Variants in FUT8 observed in about 807,000 individuals in gnomAD.
FUT8 encodes the protein fucosyltransferase 8.
FUT8 carries 29 observed loss-of-function variants against 71.3 expected under a neutral mutation model. That is an observed-to-expected ratio of 0.41 (90% confidence interval 0.30 to 0.55). The LOEUF (loss-of-function observed/expected upper bound fraction) is 0.55. Among genes scored for constraint, FUT8 ranks in the 20% least tolerant of loss-of-function variants. The pLI is 0.34. For missense variants in FUT8, 544 were observed against 702.1 expected, an observed-to-expected ratio of 0.77 and a Z score of 2.55; for synonymous variants, 254 against 239.3, an observed-to-expected ratio of 1.06 and a Z score of -0.57.
At chr14:65,521,403 TTAAG>T (rs1566799190) in intron 2 of FUT8, among the ~76,000 whole-genome samples, 1 of 152,212 alleles carries the variant, frequency 6.6e-6, no homozygotes, top group Non-Finnish European at 1.5e-5. Flanking sequence ...ATACTTTTCT[TTAAG>T]TATATCAGAT....
At chr14:65,615,307 G>C (rs992455048) in intron 3 of FUT8, among the ~76,000 whole-genome samples, 1 of 152,058 alleles carries the variant, frequency 6.6e-6, no homozygotes, top group Non-Finnish European at 1.5e-5. Context: ...GGGGATTGCT[G>C]TGTTGCCCAG....
intron 1 of FUT8, among the ~76,000 whole-genome samples, chr14:65,430,026 G>GT (rs34753196): frequency 5.4e-4 from 78 of 145,232 alleles, no homozygotes; most frequent in Non-Finnish European, 3.2e-4. Context: ...TTTTGTTTTT[G>GT]TTTTTTTTTT....
intron 3 of FUT8, among the ~76,000 whole-genome samples, chr14:65,562,770 C>G (rs763918920): frequency 5.9e-5 from 9 of 151,954 alleles, no homozygotes. Context: ...GTGGAAACAT[C>G]CAATTGTACA....
chr14:65,596,734 TA>T (rs992725654), intron 3 of FUT8, among the ~76,000 whole-genome samples: 2 of 152,156 alleles, frequency 1.3e-5, no homozygotes, highest in African/African-American at 4.8e-5. Flanking sequence ...CTTTTTTTTT[TA>T]AATGAAATCA....
In FUT8 at chr14:65,657,452, A is replaced by G. The variant is rs181685311; in HGVS notation, c.598-11791A>G. ...CATCAGCAGATGAATGAACAAAGAA[A>G]ATATGTGATACCTATACACAATGGA... On this transcript the variant is annotated intron_variant, in intron 6 of 10. Transcript: ENST00000673929. 3.9e-5 allele frequency among the ~76,000 whole-genome samples: 6 copies of G among 152,300 alleles called. No individual in the cohort carries two copies. In the East Asian group the frequency reaches 1.2e-3, roughly 29 times the overall value.
intron 1 of FUT8, among the ~76,000 whole-genome samples, chr14:65,418,687 T>G (rs982174245): frequency 3.9e-5 from 6 of 152,080 alleles, no homozygotes; most frequent in Non-Finnish European, 8.8e-5. Context: ...AGGAGATTTA[T>G]TCAGTTTTTC....
At chr14:65,605,055 A>G (rs1026588666) in intron 3 of FUT8, among the ~76,000 whole-genome samples, 1 of 151,940 alleles carries the variant, frequency 6.6e-6, no homozygotes, top group African/African-American at 2.4e-5. Flanking sequence ...TGATACTTGT[A>G]GGTATACTTT....
chr14:65,463,997 C>T (rs1277831935), intron 2 of FUT8, among the ~76,000 whole-genome samples: 1 of 152,108 alleles, frequency 6.6e-6, no homozygotes, highest in Middle Eastern at 3.2e-3. Flanking sequence ...CCCTGCAGCC[C>T]CACTGGGGAA....
chr14:65,495,899 G>A (rs971400916), intron 2 of FUT8, among the ~76,000 whole-genome samples: 1 of 152,064 alleles, frequency 6.6e-6, no homozygotes, highest in Non-Finnish European at 1.5e-5. Flanking sequence ...CACTTGGAAG[G>A]AAGAAAACCA....
At chr14:65,635,899 C>T (rs376340428) in intron 6 of FUT8, among the ~76,000 whole-genome samples, 146 of 151,794 alleles carry the variant, frequency 9.6e-4, no homozygotes, top group Admixed American at 1.6e-3. Context: ...GGACTAGTAT[C>T]GAAAGGATTG....
chr14:65,433,222 G>T (rs2065503275), intron 1 of FUT8, among the ~76,000 whole-genome samples: 2 of 151,202 alleles, frequency 1.3e-5, no homozygotes, highest in Non-Finnish European at 1.5e-5. Context: ...ATTTTTTTTT[G>T]ATAACAGTTT....
intron 7 of FUT8, among the ~76,000 whole-genome samples, chr14:65,691,808 C>T (rs984040964): frequency 2.0e-5 from 3 of 151,844 alleles, no homozygotes; most frequent in South Asian, 2.1e-4. Context: ...TGACTCTTAA[C>T]GAGCATGCTG....
intron 2 of FUT8, among the ~76,000 whole-genome samples, chr14:65,554,434 TATATATATA>T (rs1885470640): frequency 4.9e-5 from 1 of 20,242 alleles, no homozygotes; most frequent in Non-Finnish European, 1.1e-4. Context: ...ATATATATAT[TATATATATA>T]TATTTATATC....
At chr14:65,701,001 C>G (rs1322209981) in intron 7 of FUT8, among the ~76,000 whole-genome samples, 4 of 152,196 alleles carry the variant, frequency 2.6e-5, no homozygotes, top group Admixed American at 2.6e-4. Context: ...ACTTTAAAAT[C>G]ATTTTGCGTC....
At chr14:65,360,169 C>A in the FUT8 span, among the ~76,000 whole-genome samples, 1 of 152,118 alleles carries the variant, frequency 6.6e-6, no homozygotes, top group Non-Finnish European at 1.5e-5. Context: ...GGGACTAGCC[C>A]TCATGCATCC....
intron 2 of FUT8, among the ~76,000 whole-genome samples, chr14:65,473,971 G>A (rs7143318): frequency 0.68 from 103,820 of 151,948 alleles, 35,720 homozygotes; most frequent in East Asian, 0.86. Flanking sequence ...CAGCCATAAA[G>A]AAGAATGAAA....
chr14:65,643,499 A>C lies in FUT8; in HGVS notation c.597+13893A>C, dbSNP rs1454115659. On this transcript the variant is annotated intron_variant, in intron 6 of 10. Coordinates refer to ENST00000673929, the MANE Select transcript of FUT8 (RefSeq NM_001371533.1). The surrounding 1 kb of genome is among the most constrained non-coding windows in gnomAD (Gnocchi z 4.5). ...GAAACCCTGTCTCTACTAAAAATAC[A>C]AAAGATTAGCCGGGCGTGGTGGCGG... 2.0e-5 allele frequency among the ~76,000 whole-genome samples: 3 copies of C among 151,918 alleles called. No homozygotes were observed. The highest frequency in any genetic ancestry group is 7.3e-5 in the African/African-American group (3 of 41,360).
At chr14:65,492,688 T>C (rs1450065899) in intron 2 of FUT8, among the ~76,000 whole-genome samples, 1 of 152,108 alleles carries the variant, frequency 6.6e-6, no homozygotes, top group East Asian at 1.9e-4. Flanking sequence ...TCAGACGCAG[T>C]GTTGTAGACT....
the FUT8 span, among the ~76,000 whole-genome samples, chr14:65,369,548 C>T: frequency 1.1e-3 from 173 of 152,150 alleles, no homozygotes; most frequent in East Asian, 0.014. This position sits in a 1 kb window ranked among gnomAD's most constrained non-coding sequence, Gnocchi z 4.6. Flanking sequence ...TAAAAGGGTG[C>T]GGTAAGGAAG....
Sources: allele counts gnomAD v4.1 joint callset (sites outside exome capture counted in the v4.1 genomes callset), GRCh38; gene constraint gnomAD v4.1.1; non-coding constraint Gnocchi (gnomAD v3.1); transcripts MANE v1.5; gene names NCBI Gene and HGNC (gene_info 2026-07-23, HGNC 2026-07-21).